Variants in PSME4 observed in about 807,000 individuals in gnomAD.
The protein encoded by PSME4 is proteasome activator complex subunit 4.
PSME4 carries 89 observed loss-of-function variants against 253.9 expected under a neutral mutation model. The observed-to-expected ratio is 0.35, with a 90% confidence interval of 0.30 to 0.42. PSME4 has a LOEUF of 0.42. Among genes scored for constraint, PSME4 ranks in the 10% least tolerant of loss-of-function variants. The pLI, the probability that PSME4 is intolerant of heterozygous loss-of-function variation, is 1.00. For synonymous variants in PSME4, 851 were observed against 759.2 expected, an observed-to-expected ratio of 1.12 and a Z score of -1.99; for missense variants, 2,014 against 2,195.2, an observed-to-expected ratio of 0.92 and a Z score of 1.65.
At chr2:53,932,204 T>G in intron 9 of PSME4, 104 bp from the exon 10 acceptor site, 1 of 1,005,766 alleles carries the variant, frequency 9.9e-7, no homozygotes, top group Non-Finnish European at 1.5e-6. Flanking sequence ...AAATAACAGT[T>G]CTTATTATCT....
chr2:53,877,509 T>TA (rs144238903), intron 41 of PSME4, among the ~76,000 whole-genome samples: 1 of 151,990 alleles, frequency 6.6e-6, no homozygotes, highest in African/African-American at 2.4e-5. Flanking sequence ...AAACTGTTGT[T>TA]AAAAAAAATT....
At chr2:53,909,357 GTTA>G (rs533600218) in intron 21 of PSME4, among the ~76,000 whole-genome samples, 43 of 152,192 alleles carry the variant, frequency 2.8e-4, no homozygotes, top group Non-Finnish European at 5.4e-4. Flanking sequence ...TTACATAAAT[GTTA>G]TTATAAAACT....
intron 17 of PSME4, 56 bp from the exon 18 acceptor site, chr2:53,921,160 T>C: frequency 6.2e-7 from 1 of 1,603,692 alleles, no homozygotes; most frequent in Non-Finnish European, 8.5e-7. Flanking sequence ...CAAGAACCAA[T>C]CATTAATGCA....
Position 53,970,665 on chromosome 2 carries a change from G to C in PSME4, c.120C>G (p.Tyr40Ter). 1 of 1,550,298 alleles carries C rather than the reference G, an allele frequency of 6.5e-7. No homozygotes were observed. Among genetic ancestry groups the C allele is most frequent in the Non-Finnish European group, 8.7e-7 (1 of 1,146,908 alleles). The change falls in exon 1 of 47, where the codon TAC becomes TAG. Residue 40 changes from tyrosine (Y) to a stop codon, truncating the protein, a stop_gained. Transcript: ENST00000404125. LOFTEE classifies it high-confidence loss of function. ...CGGACTCGGCGTCTAGCCGCTCCGC[G>C]TAGGGCAGCAGCTTGTTGTAGACGA... ...KEIVYNKLLP[Y>*]AERLDAESDL...
chr2:53,933,910 A>AG (rs1243321465), intron 8 of PSME4, among the ~76,000 whole-genome samples: 7 of 152,296 alleles, frequency 4.6e-5, no homozygotes, highest in African/African-American at 1.2e-4. Context: ...GGCAAAAACA[A>AG]GGGGGGGCTT....
intron 20 of PSME4, among the ~76,000 whole-genome samples, chr2:53,911,194 C>T (rs1179527203): frequency 6.6e-6 from 1 of 152,006 alleles, no homozygotes. Context: ...TCACCATAAC[C>T]CAGTACAGAG....
chr2:53,876,432 G>A (rs1344164862), intron 41 of PSME4, among the ~76,000 whole-genome samples: 3 of 152,080 alleles, frequency 2.0e-5, no homozygotes, highest in African/African-American at 7.2e-5. Context: ...GTAAAGGTCT[G>A]ACTTTATTGA....
intron 3 of PSME4, among the ~76,000 whole-genome samples, chr2:53,941,073 G>GAAGTCT (rs1196578315): frequency 7.4e-6 from 1 of 135,740 alleles, no homozygotes. Flanking sequence ...CTTAAGTCCA[G>GAAGTCT]AAGTCTATCC....
At chr2:53,895,213 TCTAGGC>T in intron 33 of PSME4, 137 bp from the exon 34 acceptor site, 1 of 674,328 alleles carries the variant, frequency 1.5e-6, no homozygotes. Context: ...GCAGTAACAG[TCTAGGC>T]CTTAAAAATC....
At chr2:53,891,340 T>C (rs528086501) in intron 36 of PSME4, among the ~76,000 whole-genome samples, 5 of 152,296 alleles carry the variant, frequency 3.3e-5, no homozygotes, top group South Asian at 2.1e-4. Context: ...AAAATGCAGA[T>C]TGATTCATGT....
intron 36 of PSME4, among the ~76,000 whole-genome samples, chr2:53,891,849 A>T (rs1679920972): frequency 7.8e-6 from 1 of 129,024 alleles, no homozygotes; most frequent in African/African-American, 3.0e-5. Context: ...GCGATAGAGT[A>T]AGACTGTCCA....
chr2:53,910,537 A>T (rs1667784695), intron 20 of PSME4, among the ~76,000 whole-genome samples: 1 of 152,222 alleles, frequency 6.6e-6, no homozygotes, highest in Non-Finnish European at 1.5e-5. Flanking sequence ...TCTTAAAATC[A>T]GTCAAAAACA....
intron 27 of PSME4, among the ~76,000 whole-genome samples, chr2:53,902,292 A>C (rs1420526698): frequency 6.6e-6 from 1 of 152,230 alleles, no homozygotes; most frequent in East Asian, 1.9e-4. Context: ...AAAGTACATA[A>C]AAACTAAAGT....
chr2:53,869,814 G>T, intron 43 of PSME4: 1 of 213,482 alleles, frequency 4.7e-6, no homozygotes, highest in Non-Finnish European at 9.3e-6. Flanking sequence ...CCTACTGATA[G>T]CTCTCATCAG....
At chr2:53,925,893 C>G in intron 13 of PSME4, 66 bp downstream of exon 13, 1 of 1,495,400 alleles carries the variant, frequency 6.7e-7, no homozygotes, top group East Asian at 2.3e-5. Context: ...ATAAACTAAA[C>G]TTTCTGGGAT....
chr2:53,936,754 G>T lies in PSME4; in HGVS notation c.759+10C>A, dbSNP rs1425002986. On this transcript the variant is annotated intron_variant, in intron 6 of 46. Transcript: ENST00000404125. ...TATAGGGGGGAAGAAAGGGAAAAAGGGATACTTACCCCCTCCCATTGTGGG... is the reference window on the plus strand; with the variant it reads ...TATAGGGGGGAAGAAAGGGAAAAAGTGATACTTACCCCCTCCCATTGTGGG... 1 of 1,553,262 alleles carries T rather than the reference G, an allele frequency of 6.4e-7. No homozygotes were observed. The highest frequency in any genetic ancestry group is 2.0e-5 in the Admixed American group (1 of 49,878).
chr2:53,920,150 T>G, intron 19 of PSME4, 43 bp downstream of exon 19: 1 of 1,512,568 alleles, frequency 6.6e-7, no homozygotes, highest in Non-Finnish European at 8.9e-7. Context: ...AAAGACTTCT[T>G]TAGTCTGCAA....
intron 27 of PSME4, among the ~76,000 whole-genome samples, chr2:53,902,327 A>G (rs1457714117): frequency 6.6e-6 from 1 of 152,220 alleles, no homozygotes; most frequent in African/African-American, 2.4e-5. Flanking sequence ...TTACTCATAA[A>G]AGTCCAATTA....
At chr2:53,927,985 TAATTA>T (rs1668644563) in intron 11 of PSME4, 127 bp downstream of exon 11, 1 of 641,610 alleles carries the variant, frequency 1.6e-6, no homozygotes, top group African/African-American at 1.8e-5. Context: ...GTTACTTTAA[TAATTA>T]AATTATACAA....
Sources: allele counts gnomAD v4.1 joint callset (sites outside exome capture counted in the v4.1 genomes callset), GRCh38; gene constraint gnomAD v4.1.1; transcripts MANE v1.5; gene names NCBI Gene and HGNC (gene_info 2026-07-23, HGNC 2026-07-21).